Variants in SORL1 observed in about 807,000 individuals in gnomAD.
The protein encoded by SORL1 is sortilin-related receptor.
A neutral mutation model predicts 273.7 loss-of-function variants in SORL1; 127 were observed. The ratio of observed to expected loss-of-function variants is 0.46; its 90% CI spans 0.40 to 0.54. SORL1 has a LOEUF of 0.54. Ranked by LOEUF, SORL1 falls within the 20% of genes least tolerant of loss-of-function variation. The pLI is 0.00. For synonymous variants in SORL1, 1,031 were observed against 1,067.4 expected (o/e 0.97, Z 0.66); for missense variants, 2,494 against 2,846.1 (o/e 0.88, Z 2.81).
intron 1 of SORL1, among the ~76,000 whole-genome samples, chr11:121,467,027 TTTC>T (rs1324194172): frequency 9.9e-6 from 1 of 101,232 alleles, no homozygotes; most frequent in Non-Finnish European, 2.0e-5. Flanking sequence ...GTTTTCTTTT[TTTC>T]TTTTTTTTTT....
intron 27 of SORL1, among the ~76,000 whole-genome samples, chr11:121,587,547 A>T (rs912574325): frequency 6.6e-6 from 1 of 152,214 alleles, no homozygotes; most frequent in African/African-American, 2.4e-5. Context: ...CTATCTCCAA[A>T]TACAGTCAAA....
intron 30 of SORL1, 98 bp downstream of exon 30, chr11:121,590,272 G>T: frequency 7.7e-7 from 1 of 1,302,340 alleles, no homozygotes; most frequent in Non-Finnish European, 1.1e-6. Flanking sequence ...TCCGTGTTTT[G>T]GGGGGCATAT....
intron 6 of SORL1, among the ~76,000 whole-genome samples, chr11:121,502,982 T>C (rs1023655738): frequency 6.6e-6 from 1 of 152,016 alleles, no homozygotes; most frequent in Admixed American, 6.6e-5. Flanking sequence ...GCAATCCTCC[T>C]ATCTCAGCCT....
intron 25 of SORL1, among the ~76,000 whole-genome samples, chr11:121,580,053 A>G (rs1001825960): frequency 6.6e-5 from 10 of 151,776 alleles, no homozygotes; most frequent in African/African-American, 2.4e-4. Flanking sequence ...AATAACAGAC[A>G]CTCTTTTCTT....
At chr11:121,572,306 C>T (rs1174342522) in intron 23 of SORL1, among the ~76,000 whole-genome samples, 1 of 152,208 alleles carries the variant, frequency 6.6e-6, no homozygotes. Flanking sequence ...AGCCCCTGAG[C>T]TCTGTTGCAG....
intron 8 of SORL1, among the ~76,000 whole-genome samples, chr11:121,518,164 TG>T (rs1445581857): frequency 6.6e-6 from 1 of 151,862 alleles, no homozygotes; most frequent in African/African-American, 2.4e-5. Flanking sequence ...GCCCAGTTGG[TG>T]GGGGTATTGC....
Position 121,590,880 on chromosome 11 carries a change from A to G in SORL1, c.4214-121A>G, listed in dbSNP as rs778221024. On this transcript the variant is annotated intron_variant, in intron 30 of 47. Coordinates refer to ENST00000260197, the MANE Select transcript of SORL1 (RefSeq NM_003105.6). The stretch of plus-strand genomic sequence containing the variant: ...GCCGCTGCTCAGAGCTGTGCCAGTC[A>G]CTGGCCTCCCTCAGCAGGTACAGCT... 4 of 1,043,456 alleles carry G rather than the reference A, an allele frequency of 3.8e-6. No individual in the cohort carries two copies. The East Asian group carries it at 9.5e-5, about 25-fold the overall frequency. The allele number at this position is 1,043,456 out of a possible 1,614,324, so 64.6% of individuals were successfully genotyped here.
At chr11:121,623,871 A>G (rs763872653) in intron 45 of SORL1, among the ~76,000 whole-genome samples, 1 of 152,214 alleles carries the variant, frequency 6.6e-6, no homozygotes, top group African/African-American at 2.4e-5. Flanking sequence ...CACAGTGCCA[A>G]TAAAGACATA....
At chr11:121,528,840 C>A (rs1038611155) in intron 11 of SORL1, among the ~76,000 whole-genome samples, 1 of 152,082 alleles carries the variant, frequency 6.6e-6, no homozygotes, top group African/African-American at 2.4e-5. Context: ...ATGTATTAAG[C>A]AGTTGTTTGA....
intron 6 of SORL1, among the ~76,000 whole-genome samples, chr11:121,497,472 A>G: frequency 6.6e-6 from 1 of 152,160 alleles, no homozygotes; most frequent in East Asian, 1.9e-4. Flanking sequence ...ACACATGTCA[A>G]TTTACATGGC....
chr11:121,589,434 AAC>A, intron 29 of SORL1, 44 bp downstream of exon 29: 1 of 1,608,166 alleles, frequency 6.2e-7, no homozygotes, highest in Non-Finnish European at 8.5e-7. Flanking sequence ...TCCTCTAGTT[AAC>A]AGTGATGCCT....
intron 41 of SORL1, among the ~76,000 whole-genome samples, chr11:121,615,316 A>G (rs539923414): frequency 9.9e-5 from 15 of 152,102 alleles, no homozygotes; most frequent in Non-Finnish European, 1.8e-4. Context: ...CAACCGTCCC[A>G]AGGCTCTTGG....
Position 121,614,988 on chromosome 11 carries a change from C to A in SORL1, c.5537C>A (p.Pro1846His), listed in dbSNP as rs1863619278. 1.2e-6 allele frequency: 2 copies of A among 1,613,676 alleles called. No individual in the cohort carries two copies. The highest frequency in any genetic ancestry group is 1.7e-6 in the Non-Finnish European group (2 of 1,179,872). ...ACCAGAGGGGTTCGCCCACCTGCAC[C>A]TAGCCTCAAGGCCAAAGCCATCAAC... ...VMTRGVRPPAPSLKAKAINQT... is the reference protein window; with the variant it reads ...VMTRGVRPPAHSLKAKAINQT... The change falls in exon 41 of 48, where the codon CCT becomes CAT. Residue 1846 changes from proline to histidine, a missense_variant. Transcript: ENST00000260197.
intron 6 of SORL1, among the ~76,000 whole-genome samples, chr11:121,500,308 C>G (rs1013809222): frequency 6.6e-6 from 1 of 152,224 alleles, no homozygotes; most frequent in African/African-American, 2.4e-5. Flanking sequence ...ATCATGCAAG[C>G]CAGGCCCAGA....
intron 5 of SORL1, among the ~76,000 whole-genome samples, chr11:121,493,317 C>T (rs148464087): frequency 2.8e-3 from 419 of 152,188 alleles, no homozygotes; most frequent in African/African-American, 9.6e-3. Flanking sequence ...AGTGTAGTAG[C>T]GTGATCTTGG....
At chr11:121,453,934 G>C (rs1009058964) in intron 1 of SORL1, among the ~76,000 whole-genome samples, 1 of 152,250 alleles carries the variant, frequency 6.6e-6, no homozygotes, top group Non-Finnish European at 1.5e-5. Context: ...TATAAAGGGG[G>C]AAAGGATGGT....
chr11:121,586,337 C>T lies in SORL1; in HGVS notation c.3814+8C>T. On this transcript the variant is annotated splice_region_variant and intron_variant, in intron 27 of 47. Transcript: ENST00000260197. The stretch of plus-strand genomic sequence containing the variant: ...CCGATGAACAGCACTGCGGTGAGTT[C>T]ATTCCTTGCCCCCAGGAAGCACTCA... 6.2e-7 allele frequency: 1 copy of T among 1,604,654 alleles called. No individual in the cohort carries two copies. Among genetic ancestry groups the T allele is most frequent in the Non-Finnish European group, 8.5e-7 (1 of 1,171,276 alleles).
chr11:121,486,115 G>A (rs969581427), intron 3 of SORL1, among the ~76,000 whole-genome samples: 4 of 152,166 alleles, frequency 2.6e-5, no homozygotes, highest in Admixed American at 6.5e-5. Flanking sequence ...GAGTCCATTC[G>A]AGAAAGTGTC....
chr11:121,509,761 C>A (rs1262883767), intron 6 of SORL1, among the ~76,000 whole-genome samples: 1 of 152,114 alleles, frequency 6.6e-6, no homozygotes, highest in African/African-American at 2.4e-5. Context: ...AGGTATGAGC[C>A]ACTGCACCCA....
Sources: allele counts gnomAD v4.1 joint callset (sites outside exome capture counted in the v4.1 genomes callset), GRCh38; gene constraint gnomAD v4.1.1; transcripts MANE v1.5; gene names NCBI Gene and HGNC (gene_info 2026-07-23, HGNC 2026-07-21).